Variants in OCLN observed in about 807,000 individuals in gnomAD.
The protein encoded by OCLN is occludin.
In OCLN, 21 loss-of-function variants were observed where a neutral mutation model predicts 47.9. The ratio of observed to expected loss-of-function variants is 0.44; its 90% CI spans 0.31 to 0.63. OCLN has a LOEUF of 0.63. Ranked by LOEUF, OCLN falls within the 30% of genes least tolerant of loss-of-function variation. The probability of loss-of-function intolerance (pLI) is 0.08; values close to 1 mark genes in which losing one functional copy is unlikely to be tolerated. For missense variants in OCLN, 360 were observed against 571.0 expected (o/e 0.63, Z 3.77); for synonymous variants, 117 against 198.4 (o/e 0.59, Z 3.45).
intron 4 of OCLN, among the ~76,000 whole-genome samples, chr5:69,530,131 G>A (rs757569993): frequency 7.2e-5 from 11 of 152,064 alleles, no homozygotes; most frequent in Non-Finnish European, 1.2e-4. Flanking sequence ...ATGAGTCCAG[G>A]AGTTCAAGTC....
chr5:69,522,133 G>T (rs1580571644), intron 4 of OCLN, among the ~76,000 whole-genome samples: 1 of 152,288 alleles, frequency 6.6e-6, no homozygotes, highest in South Asian at 2.1e-4. Flanking sequence ...ACCATGCCCA[G>T]ACTTCTTATT....
rs192364324 is a variant in OCLN, at chr5:69,496,036, A to G, written c.-69+3136A>G. On this transcript the variant is annotated intron_variant, in intron 1 of 8. Transcript: ENST00000396442. The stretch of plus-strand genomic sequence containing the variant: ...TATTACAAAATCTGCCTAACTTCAA[A>G]TTTTTAGACAATTTACTAATGATGT... Among the ~76,000 whole-genome samples the G allele has an allele frequency of 2.0e-5, 3 of 152,274 alleles. No individual in the cohort carries two copies. In the East Asian group the frequency reaches 5.8e-4, roughly 29 times the overall value.
chr5:69,517,245 G>A (rs547955573), intron 4 of OCLN, among the ~76,000 whole-genome samples: 6 of 151,698 alleles, frequency 4.0e-5, no homozygotes, highest in Non-Finnish European at 7.4e-5. Context: ...GAGTGGGGTG[G>A]CTAAAGATGG....
chr5:69,525,178 C>T (rs538559796), intron 4 of OCLN, among the ~76,000 whole-genome samples: 5 of 151,756 alleles, frequency 3.3e-5, no homozygotes, highest in Non-Finnish European at 5.9e-5. Context: ...GATCTCGGCT[C>T]ACTGCGAGCT....
At chr5:69,505,932 C>CA (rs1768586343) in intron 2 of OCLN, among the ~76,000 whole-genome samples, 1 of 152,172 alleles carries the variant, frequency 6.6e-6, no homozygotes, top group African/African-American at 2.4e-5. Flanking sequence ...TCAATTCTGA[C>CA]ACTGTCAGAG....
At chr5:69,518,433 C>G (rs1769037394) in intron 4 of OCLN, among the ~76,000 whole-genome samples, 1 of 152,154 alleles carries the variant, frequency 6.6e-6, no homozygotes, top group Non-Finnish European at 1.5e-5. Context: ...CCTCAGAAAG[C>G]CTATTTAAAA....
At chr5:69,515,579 C>CA (rs1457656334) in intron 4 of OCLN, among the ~76,000 whole-genome samples, 2 of 94,548 alleles carry the variant, frequency 2.1e-5, no homozygotes, top group African/African-American at 3.8e-5. Flanking sequence ...GCTGGCCGGG[C>CA]GGGGGGCTGA....
chr5:69,502,448 C>G (rs537970591), intron 1 of OCLN: 4 of 152,158 alleles, frequency 2.6e-5, no homozygotes, highest in African/African-American at 9.7e-5. Context: ...CAGAGATATC[C>G]ATGGTCCAAT....
intron 4 of OCLN, among the ~76,000 whole-genome samples, chr5:69,526,259 T>G (rs1769275303): frequency 6.6e-6 from 1 of 152,188 alleles, no homozygotes; most frequent in Admixed American, 6.5e-5. Flanking sequence ...CACTATTTTA[T>G]AGATTCAAGC....
At chr5:69,528,813 G>A (rs1370752390) in intron 4 of OCLN, among the ~76,000 whole-genome samples, 1 of 152,154 alleles carries the variant, frequency 6.6e-6, no homozygotes, top group Non-Finnish European at 1.5e-5. Flanking sequence ...ATACTCAACA[G>A]GTGAACTTCC....
rs200973400 is a variant in OCLN, at chr5:69,533,076, C to CAT, written c.892-1606_892-1605dup. Among the ~76,000 whole-genome samples, 60 of 144,134 alleles carry CAT rather than the reference C, an allele frequency of 4.2e-4. No homozygotes were observed. In the South Asian group the frequency reaches 7.3e-3, roughly 18 times the overall value. 94.6% of individuals were successfully genotyped at this position (144,134 alleles called of 152,430 possible). ...ATATATACATATATATATACACACA[C>CAT]ATATATATATATACACACACACACA... is the stretch of plus-strand genomic sequence containing the variant. On this transcript the variant is annotated intron_variant, in intron 4 of 8. Transcript: ENST00000396442.
In OCLN at chr5:69,528,294, T is replaced by G. The variant is rs1358964865; in HGVS notation, c.892-6400T>G. ...TAAACCTGGAGATGATCCTTAAGAT[T>G]AAGATGCTCCTCCCTCTGATGCCTG... is the stretch of plus-strand genomic sequence containing the variant. On this transcript the variant is annotated intron_variant, in intron 4 of 8. Coordinates refer to ENST00000396442, the MANE Select transcript of OCLN (RefSeq NM_001205254.2). Among the ~76,000 whole-genome samples the G allele has an allele frequency of 2.0e-5, 3 of 152,138 alleles. 1 individual carries two copies. Among genetic ancestry groups the G allele is most frequent in the Admixed American group, 2.0e-4 (3 of 15,262 alleles).
At chr5:69,498,472 T>C (rs1768364576) in intron 1 of OCLN, among the ~76,000 whole-genome samples, 1 of 151,472 alleles carries the variant, frequency 6.6e-6, no homozygotes, top group African/African-American at 2.4e-5. Flanking sequence ...CCAGGCTGGA[T>C]GACAGAGCAA....
chr5:69,495,100 CT>C (rs1768254096), intron 1 of OCLN, among the ~76,000 whole-genome samples: 1 of 152,180 alleles, frequency 6.6e-6, no homozygotes, highest in African/African-American at 2.4e-5. Context: ...CATAAATGAT[CT>C]GATGTAATAT....
At chr5:69,532,136 T>C (rs984677456) in intron 4 of OCLN, among the ~76,000 whole-genome samples, 1 of 149,626 alleles carries the variant, frequency 6.7e-6, no homozygotes, top group Non-Finnish European at 1.5e-5. Context: ...AGTTTTCTCC[T>C]TTTTTTTTTC....
At position 69,504,222 on chromosome 5, in the gene OCLN, C is replaced by T. The variant is rs1580547680; in HGVS notation, c.-23C>T. On this transcript the variant is annotated 5_prime_UTR_variant, in exon 2 of 9. Transcript: ENST00000396442. ...AAAGGGCATTGCTCATCCTGAAGAT[C>T]AGCTGACCATTGACAATCAGCCATG... is the stretch of plus-strand genomic sequence containing the variant. 2 of 1,584,040 alleles carry T rather than the reference C, an allele frequency of 1.3e-6. No homozygotes were observed. Among genetic ancestry groups the T allele is most frequent in the East Asian group, 2.2e-5 (1 of 44,758 alleles).
chr5:69,528,939 G>A (rs1346108288), intron 4 of OCLN, among the ~76,000 whole-genome samples: 1 of 152,196 alleles, frequency 6.6e-6, no homozygotes, highest in Non-Finnish European at 1.5e-5. Flanking sequence ...GGAGAAAAAT[G>A]AGGATTAGCT....
chr5:69,513,211 T>C (rs1412664393), intron 3 of OCLN, among the ~76,000 whole-genome samples: 1 of 152,186 alleles, frequency 6.6e-6, no homozygotes, highest in East Asian at 1.9e-4. Context: ...AGGCCTGATA[T>C]TTCCCTCAAC....
chr5:69,536,551 A>G (rs550396579), intron 5 of OCLN, among the ~76,000 whole-genome samples: 178 of 134,602 alleles, frequency 1.3e-3, no homozygotes, highest in African/African-American at 4.6e-3. Context: ...CACACCTGTA[A>G]TCTCAGCTAC....
Sources: allele counts gnomAD v4.1 joint callset (sites outside exome capture counted in the v4.1 genomes callset), GRCh38; gene constraint gnomAD v4.1.1; transcripts MANE v1.5; gene names NCBI Gene and HGNC (gene_info 2026-07-23, HGNC 2026-07-21).